The following NBEAL1 variants were observed in gnomAD, a reference collection of about 807,000 sequenced individuals.
NBEAL1 encodes neurobeachin-like protein 1.
Under a neutral mutation model 351.3 loss-of-function variants are expected in NBEAL1, and 273 were observed. The ratio of observed to expected loss-of-function variants is 0.78; its 90% confidence interval spans 0.70 to 0.86. NBEAL1 has a LOEUF of 0.86. NBEAL1 is among the 40% of genes least tolerant of loss of function. NBEAL1 has a pLI of 0.00. For missense variants in NBEAL1, 2,961 were observed against 3,201.3 expected, an observed-to-expected ratio of 0.92 and a Z score of 1.81; for synonymous variants, 1,050 against 1,086.4, an observed-to-expected ratio of 0.97 and a Z score of 0.66.
chr2:203,147,723 C>T (rs892857059), intron 33 of NBEAL1, among the ~76,000 whole-genome samples: 9 of 151,934 alleles, frequency 5.9e-5, no homozygotes, highest in African/African-American at 2.2e-4. Context: ...ATTTATTTCC[C>T]ATTGTTAGAC....
At chr2:203,033,275 C>T (rs1209373934) in intron 2 of NBEAL1, among the ~76,000 whole-genome samples, 2 of 152,240 alleles carry the variant, frequency 1.3e-5, no homozygotes, top group African/African-American at 4.8e-5. Context: ...GCTGGAATTA[C>T]AGGCGTGAGC....
chr2:203,207,048 G>A (rs1313482889), intron 51 of NBEAL1, among the ~76,000 whole-genome samples: 1 of 151,634 alleles, frequency 6.6e-6, no homozygotes, highest in Non-Finnish European at 1.5e-5. Context: ...CATCTGAGAT[G>A]TGGGGAGCGC....
At chr2:203,202,068 T>G (rs2065415570) in intron 50 of NBEAL1, among the ~76,000 whole-genome samples, 1 of 152,086 alleles carries the variant, frequency 6.6e-6, no homozygotes, top group South Asian at 2.1e-4. Flanking sequence ...CAGTTAAACA[T>G]GAGAGTGATG....
At chr2:203,189,391 A>T (rs1288403314) in intron 45 of NBEAL1, among the ~76,000 whole-genome samples, 1 of 151,892 alleles carries the variant, frequency 6.6e-6, no homozygotes, top group Non-Finnish European at 1.5e-5. Context: ...TTATTTATTT[A>T]TTTTTTTATC....
chr2:203,221,370 A>T lies in NBEAL1; in HGVS notation c.*4016A>T, dbSNP rs1320788819. Among the ~76,000 whole-genome samples the T allele has an allele frequency of 1.3e-5, 2 of 150,994 alleles. No individual in the cohort carries two copies. Among genetic ancestry groups the T allele is most frequent in the Non-Finnish European group, 3.0e-5 (2 of 67,756 alleles). On this transcript the variant is annotated 3_prime_UTR_variant, in exon 56 of 56. Coordinates refer to ENST00000683969, the MANE Select transcript of NBEAL1 (RefSeq NM_001378026.1). Reference sequence around the variant, plus strand: ...TCCTAGGACTATATTAAATATAAATATTATATTATTAAATAATATATGTAA... The same window carrying T: ...TCCTAGGACTATATTAAATATAAATTTTATATTATTAAATAATATATGTAA...
chr2:203,206,092 C>T (rs1473649363), intron 51 of NBEAL1, among the ~76,000 whole-genome samples: 1 of 152,030 alleles, frequency 6.6e-6, no homozygotes, highest in Non-Finnish European at 1.5e-5. Context: ...ACTCAGAGAG[C>T]AATTTTTTGC....
At chr2:203,145,191 T>G in intron 33 of NBEAL1, 31 bp downstream of exon 33, 1 of 1,578,222 alleles carries the variant, frequency 6.3e-7, no homozygotes, top group Non-Finnish European at 8.6e-7. Context: ...TATCTAGTTT[T>G]TCTTGTTGAT....
In NBEAL1 at chr2:203,146,372, T is replaced by C. The variant is rs79188910; in HGVS notation, c.5304+1212T>C. On this transcript the variant is annotated intron_variant, in intron 33 of 55. Transcript: ENST00000683969. Reference sequence around the variant, plus strand: ...TTCAAAAATAGAAAAGTAGGAACATTTCTAGCTCATTTGATGAGGGTAATA... The same window carrying C: ...TTCAAAAATAGAAAAGTAGGAACATCTCTAGCTCATTTGATGAGGGTAATA... Among the ~76,000 whole-genome samples, 83 of 152,234 alleles carry C rather than the reference T, an allele frequency of 5.5e-4. No individual in the cohort carries two copies. In the East Asian group the frequency reaches 0.015, roughly 28 times the overall value.
chr2:203,084,391 TGATTA>T (rs1255480896), intron 9 of NBEAL1, 67 bp from the exon 10 acceptor site: 21 of 652,416 alleles, frequency 3.2e-5, no homozygotes, highest in Middle Eastern at 3.2e-4. Context: ...AAAAGAAAAA[TGATTA>T]GAGTAAATGT....
chr2:203,146,664 G>A (rs1469073693), intron 33 of NBEAL1, among the ~76,000 whole-genome samples: 4 of 151,998 alleles, frequency 2.6e-5, no homozygotes, highest in Non-Finnish European at 4.4e-5. Flanking sequence ...GTGGTGGTAC[G>A]CACCTGTAGT....
rs748683305 is a variant in NBEAL1, at chr2:203,149,162, A to T, written c.5462+14A>T. ...TTGGGCTAAAAGGTAAGAGGATATA[A>T]TTTTATTAAGTACTCCTTTTTCTTT... On this transcript the variant is annotated intron_variant, in intron 34 of 55. Coordinates refer to ENST00000683969, the MANE Select transcript of NBEAL1 (RefSeq NM_001378026.1). 3.2e-6 allele frequency: 5 copies of T among 1,570,520 alleles called. No homozygotes were observed. In the South Asian group the frequency reaches 6.0e-5, roughly 19 times the overall value.
chr2:203,208,848 G>A (rs923323135), intron 52 of NBEAL1, 95 bp downstream of exon 52: 2 of 866,030 alleles, frequency 2.3e-6, no homozygotes, highest in South Asian at 1.8e-5. Flanking sequence ...ATTGATAAGA[G>A]TATAGAAATG....
Position 203,035,146 on chromosome 2 carries a change from A to C in NBEAL1, c.52-6619A>C, listed in dbSNP as rs770113301. On this transcript the variant is annotated intron_variant, in intron 2 of 55. Coordinates refer to ENST00000683969, the MANE Select transcript of NBEAL1 (RefSeq NM_001378026.1). ...CATTATCCTCTCTAAAGCCTCCCAA[A>C]AGGTTAGTGGGTGTTATGAGAAGCT... Among the ~76,000 whole-genome samples the C allele has an allele frequency of 3.4e-5, 5 of 149,116 alleles. 2 individuals carry two copies. The highest frequency in any genetic ancestry group is 7.5e-5 in the Non-Finnish European group (5 of 66,516).
intron 48 of NBEAL1, among the ~76,000 whole-genome samples, chr2:203,198,752 A>AG (rs2065307540): frequency 6.6e-6 from 1 of 150,624 alleles, no homozygotes; most frequent in Non-Finnish European, 1.5e-5. Context: ...GGTCCCAGCT[A>AG]CTCAAGAGGC....
intron 3 of NBEAL1, among the ~76,000 whole-genome samples, chr2:203,047,828 C>T (rs137974783): frequency 6.0e-4 from 90 of 149,424 alleles, no homozygotes; most frequent in East Asian, 2.6e-3. Flanking sequence ...ACTGCAACCT[C>T]GAACTCTTGG....
At chr2:203,179,341 G>A (rs2064626955) in intron 42 of NBEAL1, among the ~76,000 whole-genome samples, 1 of 152,126 alleles carries the variant, frequency 6.6e-6, no homozygotes, top group Admixed American at 6.6e-5. Context: ...CAGTGGCCTG[G>A]GCCTCTTAGT....
At chr2:203,029,691 CAAA>C (rs11407531) in intron 2 of NBEAL1, among the ~76,000 whole-genome samples, 12 of 101,184 alleles carry the variant, frequency 1.2e-4, no homozygotes, top group Admixed American at 4.0e-4. Context: ...GACCCTGTCT[CAAA>C]AAAAAAAAAA....
rs1272303678 is a variant in NBEAL1, at chr2:203,131,989, T to C, written c.3581T>C (p.Leu1194Ser). The C allele has an allele frequency of 6.5e-7, 1 of 1,540,396 alleles. No individual in the cohort carries two copies. Among genetic ancestry groups the C allele is most frequent in the Non-Finnish European group, 8.8e-7 (1 of 1,142,180 alleles). The change falls in exon 26 of 56, where the codon TTG becomes TCG. Residue 1194 changes from leucine to serine, a missense_variant. Transcript: ENST00000683969. ...EIIFKIMEQM[L>S]KCTNVYERSK... ...CGTGACCAGATTATGGAACAAATGT[T>C]GAAATGCACGAACGTTTATGAGCGT...
Position 203,151,580 on chromosome 2 carries a change from G to C in NBEAL1, c.5578G>C (p.Asp1860His). The C allele has an allele frequency of 6.2e-7, 1 of 1,601,504 alleles. No individual in the cohort carries two copies. The highest frequency in any genetic ancestry group is 2.2e-5 in the East Asian group (1 of 44,594). The change falls in exon 35 of 56, where the codon GAT (aspartate) becomes CAT (histidine). Residue 1860 changes from aspartate to histidine, a missense_variant. Physicochemically the swap from Asp to His is moderately conservative, Grantham distance 81. Transcript: ENST00000683969. ...KTHEEASALR[D>H]NLGIQHSQPS... Reference sequence around the variant, plus strand: ...CCATGAGGAAGCTAGTGCCTTGAGAGATAATCTGGGTGAGTTCCAATGACT... The same window carrying C: ...CCATGAGGAAGCTAGTGCCTTGAGACATAATCTGGGTGAGTTCCAATGACT...
Sources: allele counts gnomAD v4.1 joint callset (sites outside exome capture counted in the v4.1 genomes callset), GRCh38; gene constraint gnomAD v4.1.1; transcripts MANE v1.5; gene names NCBI Gene and HGNC (gene_info 2026-07-23, HGNC 2026-07-21).